The following PALLD variants were observed in gnomAD, a reference collection of about 807,000 sequenced individuals.
PALLD encodes the protein palladin.
Under a neutral mutation model 123.5 loss-of-function variants are expected in PALLD, and 61 were observed. That is an observed-to-expected ratio of 0.49 (90% CI 0.40 to 0.61). The LOEUF (loss-of-function observed/expected upper bound fraction) is 0.61. Ranked by LOEUF, PALLD falls within the 20% of genes least tolerant of loss-of-function variation. The pLI, the probability that PALLD is intolerant of heterozygous loss-of-function variation, is 0.00. For synonymous variants in PALLD, 465 were observed against 496.4 expected, an observed-to-expected ratio of 0.94 and a Z score of 0.84; for missense variants, 1,273 against 1,377.0, an observed-to-expected ratio of 0.92 and a Z score of 1.20.
intron 2 of PALLD, among the ~76,000 whole-genome samples, chr4:168,571,451 T>C (rs1191469624): frequency 6.6e-6 from 1 of 152,214 alleles, no homozygotes; most frequent in Non-Finnish European, 1.5e-5. Flanking sequence ...CCATTCACAA[T>C]TCTTAGGTTA....
chr4:168,765,359 T>C (rs759349782), intron 10 of PALLD, among the ~76,000 whole-genome samples: 2 of 152,016 alleles, frequency 1.3e-5, no homozygotes, highest in African/African-American at 2.4e-5. Flanking sequence ...CCAGAGGACA[T>C]GAGAGATTAG....
intron 2 of PALLD, among the ~76,000 whole-genome samples, chr4:168,586,321 C>G (rs576782484): frequency 6.6e-6 from 1 of 152,274 alleles, no homozygotes; most frequent in East Asian, 1.9e-4. Flanking sequence ...TATGTAGCAA[C>G]TCCCTTCTTA....
At chr4:168,771,083 A>AAC (rs1734367917) in intron 10 of PALLD, among the ~76,000 whole-genome samples, 1 of 135,578 alleles carries the variant, frequency 7.4e-6, no homozygotes, top group Non-Finnish European at 1.7e-5. Context: ...AAACAAAAAA[A>AAC]AAACCTTAGT....
chr4:168,797,173 AG>A (rs1428426243), intron 10 of PALLD, among the ~76,000 whole-genome samples: 1 of 151,706 alleles, frequency 6.6e-6, no homozygotes, highest in African/African-American at 2.4e-5. Context: ...ACTTGGCTTG[AG>A]GGAGACACAG....
chr4:168,834,259 T>G (rs925202806), intron 10 of PALLD, among the ~76,000 whole-genome samples: 1 of 152,214 alleles, frequency 6.6e-6, no homozygotes, highest in South Asian at 2.1e-4. Context: ...AAAATTCTGA[T>G]AGCTGGGATG....
intron 1 of PALLD, among the ~76,000 whole-genome samples, chr4:168,510,595 C>T (rs188063937): frequency 1.2e-3 from 177 of 152,088 alleles, no homozygotes; most frequent in African/African-American, 4.2e-3. Flanking sequence ...TTTTGTATGC[C>T]CTGCAAACTA....
At chr4:168,597,454 A>G (rs1473116187) in intron 2 of PALLD, among the ~76,000 whole-genome samples, 1 of 152,074 alleles carries the variant, frequency 6.6e-6, no homozygotes, top group Middle Eastern at 3.2e-3. Context: ...TTTTTAAAAC[A>G]TGACATATAC....
chr4:168,661,536 C>G (rs1175717183), intron 2 of PALLD, among the ~76,000 whole-genome samples: 3 of 152,240 alleles, frequency 2.0e-5, no homozygotes, highest in Non-Finnish European at 2.9e-5. Flanking sequence ...TGAAATCTGA[C>G]AGCCAGTCCC....
intron 10 of PALLD, among the ~76,000 whole-genome samples, chr4:168,776,558 C>T (rs996012241): frequency 2.6e-5 from 4 of 152,158 alleles, no homozygotes; most frequent in African/African-American, 9.7e-5. Context: ...GTGGTGAGAG[C>T]AGATCCTTGC....
chr4:168,598,505 G>A (rs773738811), intron 2 of PALLD: 27 of 488,926 alleles, frequency 5.5e-5, no homozygotes, highest in Non-Finnish European at 8.8e-5. Context: ...GAGAGGAGCA[G>A]AGAGAGGTAA....
At chr4:168,805,002 T>C (rs1214867618) in intron 10 of PALLD, among the ~76,000 whole-genome samples, 1 of 151,856 alleles carries the variant, frequency 6.6e-6, no homozygotes, top group Non-Finnish European at 1.5e-5. Flanking sequence ...CTACTAAAAA[T>C]ACAAAAATTA....
chr4:168,506,535 G>T (rs1762022590), intron 1 of PALLD, among the ~76,000 whole-genome samples: 1 of 152,018 alleles, frequency 6.6e-6, no homozygotes, highest in South Asian at 2.1e-4. Flanking sequence ...TACATCTTTT[G>T]AGAGCTGACC....
At chr4:168,628,997 G>C (rs1053921867) in intron 2 of PALLD, among the ~76,000 whole-genome samples, 1 of 151,722 alleles carries the variant, frequency 6.6e-6, no homozygotes, top group African/African-American at 2.4e-5. Flanking sequence ...ACGAAGCCCA[G>C]TTATTGTTCT....
intron 2 of PALLD, among the ~76,000 whole-genome samples, chr4:168,651,725 A>T (rs992982304): frequency 5.3e-5 from 8 of 152,194 alleles, no homozygotes; most frequent in African/African-American, 9.7e-5. Context: ...AAGAAGAGGT[A>T]GGGGAGGAGG....
At chr4:168,845,121 C>T (rs186551768) in intron 10 of PALLD, among the ~76,000 whole-genome samples, 17 of 152,130 alleles carry the variant, frequency 1.1e-4, no homozygotes, top group South Asian at 4.2e-4. Context: ...AGAGAGGCAC[C>T]GGAGCAGAGG....
chr4:168,803,000 A>C (rs1739577712), intron 10 of PALLD, among the ~76,000 whole-genome samples: 1 of 152,144 alleles, frequency 6.6e-6, no homozygotes, highest in Admixed American at 6.6e-5. Flanking sequence ...GCTACATTAC[A>C]TTTTTACTCA....
chr4:168,785,567 G>GTAAC (rs1376335885), intron 10 of PALLD, among the ~76,000 whole-genome samples: 14 of 152,028 alleles, frequency 9.2e-5, no homozygotes, highest in African/African-American at 2.9e-4. Context: ...CTGGGAAGCA[G>GTAAC]TAACTCCTGG....
At chr4:168,687,499 A>G (rs1012598256) in intron 6 of PALLD, among the ~76,000 whole-genome samples, 3 of 152,312 alleles carry the variant, frequency 2.0e-5, no homozygotes, top group South Asian at 2.1e-4. Flanking sequence ...TGTCCAATGT[A>G]TTGGTATCCA....
At chr4:168,608,850 A>ATTTGT (rs1554049871) in intron 2 of PALLD, among the ~76,000 whole-genome samples, 1 of 135,776 alleles carries the variant, frequency 7.4e-6, no homozygotes, top group Non-Finnish European at 1.6e-5. Flanking sequence ...AGCTATAACT[A>ATTTGT]TTTTTTTTTT....
Sources: gnomAD v4.1 joint callset for allele counts (sites outside exome capture counted in the v4.1 genomes callset) on GRCh38, gnomAD v4.1.1 for gene constraint, MANE v1.5 for transcripts, NCBI Gene and HGNC (gene_info 2026-07-23, HGNC 2026-07-21) for gene names.